HTR1F: variants seen among roughly 807,000 people sequenced by gnomAD.
HTR1F encodes the protein 5-hydroxytryptamine receptor 1F.
Under a neutral mutation model 24.0 loss-of-function variants are expected in HTR1F, and 17 were observed. The ratio of observed to expected loss-of-function variants is 0.71; its 90% CI spans 0.48 to 1.06. The LOEUF is 1.06. HTR1F is among the 50% of genes least tolerant of loss of function. The pLI, the probability that HTR1F is intolerant of heterozygous loss-of-function variation, is 0.00. For synonymous variants in HTR1F, 186 were observed against 156.8 expected (o/e 1.19, Z -1.39); for missense variants, 391 against 427.8 (o/e 0.91, Z 0.76).
intron 2 of HTR1F, among the ~76,000 whole-genome samples, chr3:87,836,802 C>G (rs1395704718): frequency 6.6e-6 from 1 of 151,878 alleles, no homozygotes; most frequent in African/African-American, 2.4e-5. Flanking sequence ...TAGAGAAAAA[C>G]AAAAAACAAG....
At chr3:87,955,531 A>G (rs1704925132) in intron 2 of HTR1F, among the ~76,000 whole-genome samples, 1 of 151,494 alleles carries the variant, frequency 6.6e-6, no homozygotes, top group South Asian at 2.1e-4. Context: ...GGACATATGC[A>G]TCTATTCCTC....
At chr3:87,896,100 G>A (rs1706191231) in intron 2 of HTR1F, among the ~76,000 whole-genome samples, 1 of 152,104 alleles carries the variant, frequency 6.6e-6, no homozygotes, top group Non-Finnish European at 1.5e-5. Context: ...ACATTGCTAG[G>A]GACAACAGAT....
chr3:87,831,672 A>T (rs1426293455), intron 2 of HTR1F, among the ~76,000 whole-genome samples: 2 of 151,042 alleles, frequency 1.3e-5, no homozygotes, highest in African/African-American at 2.5e-5. Context: ...CACAGATACA[A>T]ATTATTTCTA....
chr3:87,849,958 A>G (rs1338491506), intron 2 of HTR1F, among the ~76,000 whole-genome samples: 1 of 151,978 alleles, frequency 6.6e-6, no homozygotes, highest in East Asian at 1.9e-4. Flanking sequence ...TCAGGAAACA[A>G]CAGGTGCTGG....
chr3:87,937,518 G>T (rs751170110), intron 2 of HTR1F, among the ~76,000 whole-genome samples: 2 of 152,050 alleles, frequency 1.3e-5, no homozygotes, highest in African/African-American at 2.4e-5. Context: ...CATACCAAAT[G>T]GGCAAAAGCT....
intron 1 of HTR1F, among the ~76,000 whole-genome samples, chr3:87,813,140 G>A (rs893598264): frequency 1.3e-5 from 2 of 152,192 alleles, no homozygotes; most frequent in Non-Finnish European, 2.9e-5. Flanking sequence ...CCCCAAAATG[G>A]TAGAACTACT....
At chr3:87,958,044 A>G (rs1704981553) in intron 2 of HTR1F, among the ~76,000 whole-genome samples, 1 of 151,470 alleles carries the variant, frequency 6.6e-6, no homozygotes, top group Non-Finnish European at 1.5e-5. Context: ...AGAATAGTTT[A>G]GTTGTCTCCC....
At chr3:87,916,590 A>T (rs561088647) in intron 2 of HTR1F, among the ~76,000 whole-genome samples, 4 of 152,272 alleles carry the variant, frequency 2.6e-5, no homozygotes, top group African/African-American at 9.6e-5. Flanking sequence ...ATATCAGACA[A>T]AACAAATTTT....
At chr3:87,934,092 T>C (rs138970903) in intron 2 of HTR1F, among the ~76,000 whole-genome samples, 3 of 152,194 alleles carry the variant, frequency 2.0e-5, no homozygotes, top group African/African-American at 7.2e-5. Context: ...TCCCCATACT[T>C]CCTTCTAATT....
intron 2 of HTR1F, among the ~76,000 whole-genome samples, chr3:87,871,368 A>G (rs1228250248): frequency 6.6e-6 from 1 of 151,864 alleles, no homozygotes; most frequent in Non-Finnish European, 1.5e-5. Flanking sequence ...ACATCAGAAA[A>G]GCAAAAAGAA....
chr3:87,873,279 G>T (rs566312648), intron 2 of HTR1F, among the ~76,000 whole-genome samples: 3 of 152,072 alleles, frequency 2.0e-5, no homozygotes, highest in Non-Finnish European at 4.4e-5. Flanking sequence ...AACCAGAGGA[G>T]CTGATGGTGT....
intron 1 of HTR1F, among the ~76,000 whole-genome samples, chr3:87,819,708 T>C (rs1704317698): frequency 1.3e-5 from 2 of 152,110 alleles, no homozygotes; most frequent in Non-Finnish European, 2.9e-5. Context: ...ATCTCCATCA[T>C]GCCAATATAT....
chr3:87,848,901 G>C (rs1377433944), intron 2 of HTR1F, among the ~76,000 whole-genome samples: 1 of 151,248 alleles, frequency 6.6e-6, no homozygotes, highest in African/African-American at 2.5e-5. Context: ...AACTTACAAG[G>C]GATGTGAAGG....
intron 1 of HTR1F, among the ~76,000 whole-genome samples, chr3:87,819,419 G>A (rs2107119625): frequency 6.6e-6 from 1 of 151,454 alleles, no homozygotes; most frequent in South Asian, 2.1e-4. Context: ...TTAGAGGGCA[G>A]TTTTATTTTT....
chr3:87,806,701 C>T (rs886584314), intron 1 of HTR1F, among the ~76,000 whole-genome samples: 3 of 151,878 alleles, frequency 2.0e-5, no homozygotes, highest in African/African-American at 7.2e-5. Context: ...TTTGAAGACT[C>T]AGCCATAATC....
At chr3:87,837,276 T>C (rs1559599945) in intron 2 of HTR1F, among the ~76,000 whole-genome samples, 1 of 152,114 alleles carries the variant, frequency 6.6e-6, no homozygotes, top group Non-Finnish European at 1.5e-5. Context: ...TTCTCCATAT[T>C]CTCAGTTCTG....
intron 2 of HTR1F, among the ~76,000 whole-genome samples, chr3:87,847,219 AT>A (rs1242313532): frequency 6.6e-6 from 1 of 151,842 alleles, no homozygotes; most frequent in Non-Finnish European, 1.5e-5. Flanking sequence ...GTGAATAATA[AT>A]GGTGATGCTT....
chr3:87,858,668 T>G (rs1705252702), intron 2 of HTR1F, among the ~76,000 whole-genome samples: 1 of 152,130 alleles, frequency 6.6e-6, no homozygotes, highest in South Asian at 2.1e-4. Context: ...TCGGTTTTTT[T>G]TTTGTTTTAC....
chr3:87,810,226 T>G (rs528046849), intron 1 of HTR1F, among the ~76,000 whole-genome samples: 2 of 152,172 alleles, frequency 1.3e-5, no homozygotes, highest in Non-Finnish European at 2.9e-5. Flanking sequence ...GGTCATGCTT[T>G]GAATTCCTTA....
Sources: allele counts gnomAD v4.1 joint callset (sites outside exome capture counted in the v4.1 genomes callset), GRCh38; gene constraint gnomAD v4.1.1; transcripts MANE v1.5; gene names NCBI Gene and HGNC (gene_info 2026-07-23, HGNC 2026-07-21).